The following ADAMTS16 variants were observed in gnomAD, a reference collection of about 807,000 sequenced individuals.
ADAMTS16 encodes ADAM metallopeptidase with thrombospondin type 1 motif 16, also known as A disintegrin and metalloproteinase with thrombospondin motifs 16.
ADAMTS16 carries 94 observed loss-of-function variants against 145.8 expected under a neutral mutation model. That is an observed-to-expected ratio of 0.64 (90% confidence interval 0.55 to 0.77). The LOEUF (loss-of-function observed/expected upper bound fraction) is 0.77, where lower values mean the gene tolerates loss of function less well. ADAMTS16 is among the 30% of genes least tolerant of loss of function. The pLI is 0.00. For synonymous variants in ADAMTS16, 659 were observed against 604.3 expected (o/e 1.09, Z -1.33); for missense variants, 1,585 against 1,591.5 (o/e 1.00, Z 0.07).
At chr5:5,184,522 C>T (rs1339115888) in intron 4 of ADAMTS16, among the ~76,000 whole-genome samples, 1 of 152,092 alleles carries the variant, frequency 6.6e-6, no homozygotes. Context: ...ATGATTCTTT[C>T]CTATTAGAGT....
At chr5:5,229,292 G>A (rs62338166) in intron 11 of ADAMTS16, among the ~76,000 whole-genome samples, 41,249 of 123,212 alleles carry the variant, frequency 0.33, 6,993 homozygotes, top group East Asian at 0.67. Flanking sequence ...GCGACAGAGC[G>A]AGACTCCGTC....
At chr5:5,233,933 T>G (rs150898157) in intron 12 of ADAMTS16, among the ~76,000 whole-genome samples, 34 of 152,360 alleles carry the variant, frequency 2.2e-4, no homozygotes, top group African/African-American at 7.5e-4. Flanking sequence ...TCTTCCACAA[T>G]GGTTGAATTA....
At chr5:5,211,558 A>G (rs1460804736) in intron 10 of ADAMTS16, among the ~76,000 whole-genome samples, 1 of 152,050 alleles carries the variant, frequency 6.6e-6, no homozygotes, top group Non-Finnish European at 1.5e-5. Flanking sequence ...CTATTTCACT[A>G]AGTTCTGTCT....
chr5:5,142,899 C>A (rs1734202716), intron 2 of ADAMTS16, among the ~76,000 whole-genome samples: 1 of 152,102 alleles, frequency 6.6e-6, no homozygotes, highest in South Asian at 2.1e-4. Context: ...AGAAATAACA[C>A]CACGCATCTA....
At chr5:5,181,923 T>C (rs1479147305) in intron 3 of ADAMTS16, 121 bp from the exon 4 acceptor site, 6 of 1,160,984 alleles carry the variant, frequency 5.2e-6, no homozygotes, top group Non-Finnish European at 7.2e-6. Context: ...ATGTTCGCTC[T>C]CACTGGAGGG....
At chr5:5,191,613 A>T in intron 7 of ADAMTS16, 72 bp from the exon 8 acceptor site, 2 of 1,277,922 alleles carry the variant, frequency 1.6e-6, no homozygotes, top group South Asian at 1.2e-5. Context: ...ACTAAGGGGT[A>T]GAAAATAAAT....
At chr5:5,207,211 T>C (rs1736151760) in intron 9 of ADAMTS16, among the ~76,000 whole-genome samples, 1 of 152,236 alleles carries the variant, frequency 6.6e-6, no homozygotes, top group South Asian at 2.1e-4. Flanking sequence ...TAGTTTTTCT[T>C]TGATTTCTTT....
At chr5:5,165,016 T>A (rs1734833580) in intron 3 of ADAMTS16, among the ~76,000 whole-genome samples, 1 of 152,152 alleles carries the variant, frequency 6.6e-6, no homozygotes, top group Non-Finnish European at 1.5e-5. Flanking sequence ...AGTTCAGTAA[T>A]TTTTTAGTAA....
intron 17 of ADAMTS16, among the ~76,000 whole-genome samples, chr5:5,246,533 TCATC>T (rs1347187470): frequency 3.3e-5 from 5 of 152,364 alleles, no homozygotes; most frequent in Middle Eastern, 3.4e-3. Context: ...ATTCATTCAT[TCATC>T]ATCAGTCAGC....
chr5:5,229,957 C>T (rs1736876514), intron 11 of ADAMTS16, among the ~76,000 whole-genome samples: 1 of 152,168 alleles, frequency 6.6e-6, no homozygotes, highest in Non-Finnish European at 1.5e-5. Flanking sequence ...CCTATATTCC[C>T]TGAACACTGA....
chr5:5,218,841 C>A (rs1264643083), intron 10 of ADAMTS16, among the ~76,000 whole-genome samples: 2 of 152,162 alleles, frequency 1.3e-5, no homozygotes, highest in Non-Finnish European at 2.9e-5. Context: ...ATCCAGACAT[C>A]CCTCCTCTCT....
At chr5:5,264,028 AG>A (rs1172597269) in intron 18 of ADAMTS16, among the ~76,000 whole-genome samples, 1 of 152,194 alleles carries the variant, frequency 6.6e-6, no homozygotes, top group East Asian at 1.9e-4. Context: ...CAAAGTCAGC[AG>A]GTCTCCTCCC....
intron 13 of ADAMTS16, among the ~76,000 whole-genome samples, chr5:5,236,237 A>G (rs1241038444): frequency 6.6e-6 from 1 of 152,120 alleles, no homozygotes; most frequent in Non-Finnish European, 1.5e-5. Context: ...ATATCTGTAG[A>G]TGAGTCTCAG....
intron 3 of ADAMTS16, among the ~76,000 whole-genome samples, chr5:5,165,557 C>A (rs1470573271): frequency 1.3e-5 from 2 of 152,180 alleles, no homozygotes; most frequent in African/African-American, 4.8e-5. Context: ...TGTAACTTTC[C>A]TGGAAGCTGA....
intron 9 of ADAMTS16, among the ~76,000 whole-genome samples, chr5:5,205,516 A>G (rs1391174141): frequency 6.6e-6 from 1 of 152,218 alleles, no homozygotes; most frequent in East Asian, 1.9e-4. Flanking sequence ...TCCTTTCTGC[A>G]CCCACACTTT....
At chr5:5,254,769 T>C (rs2126415505) in intron 17 of ADAMTS16, among the ~76,000 whole-genome samples, 1 of 152,306 alleles carries the variant, frequency 6.6e-6, no homozygotes, top group South Asian at 2.1e-4. Context: ...TTCTTTCTAA[T>C]ATGCTACTTG....
intron 3 of ADAMTS16, among the ~76,000 whole-genome samples, chr5:5,165,343 A>G (rs1007848892): frequency 6.6e-6 from 1 of 152,172 alleles, no homozygotes; most frequent in African/African-American, 2.4e-5. Flanking sequence ...TCACCAGTTA[A>G]TGGACATTTG....
chr5:5,239,872 G>A lies in ADAMTS16; in HGVS notation c.2470G>A (p.Glu824Lys). The change falls in exon 16 of 23, where the codon GAG becomes AAG. Residue 824 changes from glutamate (E) to lysine (K), a missense_variant. By Grantham distance (56) the Glu-to-Lys change is moderately conservative. Transcript: ENST00000274181. ...TTTCGACTACAGACGGTCCTATAATGAGCCCGAGAACTTAATCGCTACTGG... is the reference window on the plus strand; with the variant it reads ...TTTCGACTACAGACGGTCCTATAATAAGCCCGAGAACTTAATCGCTACTGG... Reference protein sequence around the residue: ...TTFDYRRSYNEPENLIATGPT... With the variant: ...TTFDYRRSYNKPENLIATGPT... 6.2e-7 allele frequency: 1 copy of A among 1,614,048 alleles called. No homozygotes were observed. The highest frequency in any genetic ancestry group is 1.1e-5 in the South Asian group (1 of 91,052).
rs142714862 is a variant in ADAMTS16, at chr5:5,316,317, T to C, written c.3412-1817T>C. ...TTTAAAGCAACAGTTTTGTTGTTTT[T>C]TTCACCCACCATGCACCAGGACTTC... On this transcript the variant is annotated intron_variant, in intron 21 of 22. Coordinates refer to ENST00000274181, the MANE Select transcript of ADAMTS16 (RefSeq NM_139056.4). 8.6e-4 allele frequency among the ~76,000 whole-genome samples: 131 copies of C among 152,302 alleles called. 1 individual carries two copies. Among genetic ancestry groups the C allele is most frequent in the South Asian group, 2.3e-3 (11 of 4,824 alleles).
Sources: gnomAD v4.1 joint callset for allele counts (sites outside exome capture counted in the v4.1 genomes callset) on GRCh38, gnomAD v4.1.1 for gene constraint, MANE v1.5 for transcripts, NCBI Gene and HGNC (gene_info 2026-07-23, HGNC 2026-07-21) for gene names.